SLC38A9: variants seen among roughly 807,000 people sequenced by gnomAD.
SLC38A9 encodes the protein neutral amino acid transporter 9.
In SLC38A9, 48 loss-of-function variants were observed where a neutral mutation model predicts 62.3. The observed-to-expected ratio is 0.77, with a 90% CI of 0.61 to 0.98. SLC38A9 has a LOEUF of 0.98. Ranked by LOEUF, SLC38A9 falls within the 50% of genes least tolerant of loss-of-function variation. SLC38A9 has a pLI of 0.00. For missense variants in SLC38A9, 541 were observed against 679.8 expected, an observed-to-expected ratio of 0.80 and a Z score of 2.27; for synonymous variants, 204 against 227.7, an observed-to-expected ratio of 0.90 and a Z score of 0.94.
At position 55,671,159 on chromosome 5, in the gene SLC38A9, T is replaced by C. The variant is rs1751249314; in HGVS notation, c.247-1280A>G. 2.0e-5 allele frequency among the ~76,000 whole-genome samples: 3 copies of C among 151,314 alleles called. No individual in the cohort carries two copies. In the East Asian group the frequency reaches 5.8e-4, roughly 29 times the overall value. On this transcript the variant is annotated intron_variant, in intron 4 of 15. Coordinates refer to ENST00000396865, the MANE Select transcript of SLC38A9 (RefSeq NM_173514.4). ...CTTGCAAGTTTCTGACTATCTCATA[T>C]GCGGTAGTTTTTATAAACTACCAAA... is the stretch of plus-strand genomic sequence containing the variant.
At chr5:55,678,143 T>TG (rs199539715) in intron 3 of SLC38A9, among the ~76,000 whole-genome samples, 11 of 145,854 alleles carry the variant, frequency 7.5e-5, no homozygotes, top group African/African-American at 2.7e-4. Context: ...TACTGGTTTT[T>TG]TTTTCTTTTT....
At chr5:55,648,755 A>G (rs1746843977) in intron 11 of SLC38A9, among the ~76,000 whole-genome samples, 1 of 152,214 alleles carries the variant, frequency 6.6e-6, no homozygotes, top group African/African-American at 2.4e-5. Flanking sequence ...GTACGTTCCC[A>G]ACAAAAAGAT....
In SLC38A9 at chr5:55,626,174, T is replaced by C. The variant is rs1401608710; in HGVS notation, c.*320A>G. ...CTGAGAATCTTTACTGCAGGCAAAA[T>C]AAATCCACCACCTTTTATCTCTAAA... On this transcript the variant is annotated 3_prime_UTR_variant, in exon 16 of 16. Transcript: ENST00000396865. The C allele has an allele frequency of 1.0e-5, 2 of 191,358 alleles. No individual in the cohort carries two copies. The highest frequency in any genetic ancestry group is 2.2e-5 in the Non-Finnish European group (2 of 92,860). The allele number at this position is 191,358 out of a possible 1,614,324, so 11.9% of individuals were successfully genotyped here.
rs1001808530 is a variant in SLC38A9, at chr5:55,625,986, A to G, written c.*508T>C. On this transcript the variant is annotated 3_prime_UTR_variant, in exon 16 of 16. Transcript: ENST00000396865. Reference sequence around the variant, plus strand: ...TTAAAAATGTACTTTATTAACACTGATGCCATGAAAACTTCTTTTTAAAAA... The same window carrying G: ...TTAAAAATGTACTTTATTAACACTGGTGCCATGAAAACTTCTTTTTAAAAA... 2.6e-5 allele frequency: 4 copies of G among 153,010 alleles called. No homozygotes were observed. Among genetic ancestry groups the G allele is most frequent in the African/African-American group, 9.7e-5 (4 of 41,450 alleles). The allele number at this position is 153,010 out of a possible 1,614,324, so 9.5% of individuals were successfully genotyped here. A position where few individuals can be genotyped will look rare whatever the true frequency, so the allele number is the denominator to read the frequency against.
At chr5:55,701,928 G>T (rs66899129) in intron 2 of SLC38A9, among the ~76,000 whole-genome samples, 1 of 152,092 alleles carries the variant, frequency 6.6e-6, no homozygotes, top group African/African-American at 2.4e-5. Context: ...TGTCTTTCCT[G>T]TTCTTTGTCA....
chr5:55,642,876 C>T (rs897414732), intron 12 of SLC38A9, among the ~76,000 whole-genome samples: 1 of 152,198 alleles, frequency 6.6e-6, no homozygotes, highest in African/African-American at 2.4e-5. Context: ...TATTTTTGCT[C>T]TAGAGAGCTT....
intron 12 of SLC38A9, among the ~76,000 whole-genome samples, chr5:55,643,876 G>C (rs1475843172): frequency 6.6e-6 from 1 of 152,098 alleles, no homozygotes; most frequent in Non-Finnish European, 1.5e-5. Context: ...ATATTTGCAT[G>C]GTATATCTTT....
At chr5:55,655,459 T>C (rs1291928720) in intron 9 of SLC38A9, among the ~76,000 whole-genome samples, 9 of 152,220 alleles carry the variant, frequency 5.9e-5, no homozygotes, top group Non-Finnish European at 1.2e-4. Context: ...TTTGATCCTT[T>C]GAAAATTCTG....
At chr5:55,703,766 T>C (rs1328361125) in intron 2 of SLC38A9, among the ~76,000 whole-genome samples, 3 of 152,218 alleles carry the variant, frequency 2.0e-5, no homozygotes, top group South Asian at 2.1e-4. Context: ...TTAGGATTGA[T>C]AGAATCTGTT....
chr5:55,673,699 TTAATC>T (rs1751677906), intron 3 of SLC38A9, among the ~76,000 whole-genome samples: 1 of 146,706 alleles, frequency 6.8e-6, no homozygotes, highest in African/African-American at 2.5e-5. Flanking sequence ...GGAGATACTG[TTAATC>T]TAATCTTTTT....
At chr5:55,666,810 G>A (rs1300653250) in intron 7 of SLC38A9, among the ~76,000 whole-genome samples, 2 of 152,122 alleles carry the variant, frequency 1.3e-5, no homozygotes. Flanking sequence ...GATGGATCAC[G>A]AAGTCAGGAG....
intron 3 of SLC38A9, among the ~76,000 whole-genome samples, chr5:55,675,733 A>C (rs1248099157): frequency 6.6e-6 from 1 of 152,018 alleles, no homozygotes; most frequent in Non-Finnish European, 1.5e-5. Flanking sequence ...CAAAATGTAC[A>C]AAATATTTTA....
At chr5:55,692,100 AAT>A (rs981726756) in intron 3 of SLC38A9, among the ~76,000 whole-genome samples, 3 of 152,250 alleles carry the variant, frequency 2.0e-5, no homozygotes, top group Non-Finnish European at 2.9e-5. Context: ...AAAGTATGGT[AAT>A]ATGTAAGATG....
At chr5:55,628,763 T>C (rs1742915830) in intron 14 of SLC38A9, among the ~76,000 whole-genome samples, 1 of 152,194 alleles carries the variant, frequency 6.6e-6, no homozygotes, top group Non-Finnish European at 1.5e-5. Context: ...GAATATTTAC[T>C]AAATACTTTA....
At chr5:55,689,507 G>A (rs772198715) in intron 3 of SLC38A9, among the ~76,000 whole-genome samples, 54 of 152,154 alleles carry the variant, frequency 3.5e-4, no homozygotes, top group Non-Finnish European at 7.3e-4. Flanking sequence ...TTATATACTT[G>A]CAATTGGTTT....
intron 12 of SLC38A9, among the ~76,000 whole-genome samples, chr5:55,642,985 C>A (rs182679849): frequency 3.6e-4 from 55 of 152,302 alleles, no homozygotes; most frequent in Non-Finnish European, 3.4e-4. Context: ...GCAAATCCTT[C>A]CTTCTTTTGC....
intron 12 of SLC38A9, among the ~76,000 whole-genome samples, chr5:55,641,443 G>A (rs1477421265): frequency 2.6e-5 from 4 of 152,156 alleles, no homozygotes; most frequent in African/African-American, 7.2e-5. Flanking sequence ...CTTCATTCTT[G>A]TAATCATAAC....
intron 14 of SLC38A9, among the ~76,000 whole-genome samples, chr5:55,631,006 G>A (rs1242429112): frequency 6.6e-6 from 1 of 152,104 alleles, no homozygotes; most frequent in East Asian, 1.9e-4. Flanking sequence ...GGTGGTGGGT[G>A]CCTGTAATCC....
Position 55,639,399 on chromosome 5 carries a change from C to T in SLC38A9, c.1168-3742G>A, listed in dbSNP as rs529215785. Among the ~76,000 whole-genome samples the T allele has an allele frequency of 5.3e-5, 8 of 151,868 alleles. No homozygotes were observed. The South Asian group carries it at 1.7e-3, about 31-fold the overall frequency. On this transcript the variant is annotated intron_variant, in intron 12 of 15. Coordinates refer to ENST00000396865, the MANE Select transcript of SLC38A9 (RefSeq NM_173514.4). ...TTGGAAAACCTGGAAAATTTGCTCACTACACCTATTTAGGAGTTTGTTTCT... is the reference window on the plus strand; with the variant it reads ...TTGGAAAACCTGGAAAATTTGCTCATTACACCTATTTAGGAGTTTGTTTCT...
Sources: allele counts gnomAD v4.1 joint callset (sites outside exome capture counted in the v4.1 genomes callset), GRCh38; gene constraint gnomAD v4.1.1; transcripts MANE v1.5; gene names NCBI Gene and HGNC (gene_info 2026-07-23, HGNC 2026-07-21).